CCR6: variants seen among roughly 807,000 people sequenced by gnomAD.
CCR6 encodes C-C motif chemokine receptor 6.
Under a neutral mutation model 3.0 loss-of-function variants are expected in CCR6, and 2 were observed. That is an observed-to-expected ratio of 0.66 (90% CI 0.27 to 2.07). The LOEUF is 2.07. CCR6 is among the 30% of genes most tolerant of loss of function. The pLI is 0.14. For synonymous variants in CCR6, 193 were observed against 184.3 expected, an observed-to-expected ratio of 1.05 and a Z score of -0.38; for missense variants, 322 against 462.8, an observed-to-expected ratio of 0.70 and a Z score of 2.79.
intron 1 of CCR6, among the ~76,000 whole-genome samples, chr6:167,124,130 G>A (rs1333268708): frequency 6.6e-6 from 1 of 152,124 alleles, no homozygotes; most frequent in Non-Finnish European, 1.5e-5. Context: ...CATAGATATT[G>A]TAGAGATCAG....
In CCR6 at chr6:167,117,636, C is replaced by T. The variant is rs538444529; in HGVS notation, c.-98+5622C>T. Among the ~76,000 whole-genome samples, 296 of 151,666 alleles carry T rather than the reference C, an allele frequency of 2.0e-3. 1 individual carries two copies. The highest frequency in any genetic ancestry group is 6.8e-3 in the African/African-American group (282 of 41,330). ...TTCACCGTGTCAGCCAGGATGGTCT[C>T]GATCTCCTGACCTCGTGATCCGCCC... On this transcript the variant is annotated intron_variant, in intron 1 of 2. Transcript: ENST00000400926.
chr6:167,129,247 G>T (rs1361408896), intron 1 of CCR6, among the ~76,000 whole-genome samples: 1 of 152,160 alleles, frequency 6.6e-6, no homozygotes, highest in African/African-American at 2.4e-5. Context: ...ATAAGTTTCA[G>T]ATTTTATCGT....
chr6:167,122,066 C>T (rs928542453), upstream of CCR6, among the ~76,000 whole-genome samples: 25 of 151,946 alleles, frequency 1.6e-4, no homozygotes, highest in African/African-American at 5.3e-4. The surrounding 1 kb of genome is among the most constrained non-coding windows in gnomAD (Gnocchi z 4.2). Context: ...GGCGTGAGGA[C>T]GTGGAGCTCA....
upstream of CCR6, among the ~76,000 whole-genome samples, chr6:167,117,890 C>T (rs1191018153): frequency 7.9e-5 from 12 of 151,042 alleles, no homozygotes; most frequent in Non-Finnish European, 1.6e-4. Flanking sequence ...ACGCGCAGGT[C>T]GCTTTTCAGT....
chr6:167,132,515 C>CTGTGTGTGTGTCTGTGTGTGTGTG (rs1781784329), intron 1 of CCR6, among the ~76,000 whole-genome samples: 7 of 151,926 alleles, frequency 4.6e-5, no homozygotes, highest in African/African-American at 1.2e-4. Flanking sequence ...AGTGGGATCT[C>CTGTGTGTGTGTCTGTGTGTGTGTG]TGTGTGTGTG....
chr6:167,132,782 C>T (rs1418274855), intron 1 of CCR6, among the ~76,000 whole-genome samples: 1 of 152,220 alleles, frequency 6.6e-6, no homozygotes, highest in Non-Finnish European at 1.5e-5. Flanking sequence ...CTTAAGTGGT[C>T]CGTCTGCCTC....
intron 1 of CCR6, among the ~76,000 whole-genome samples, chr6:167,117,497 A>G (rs1412592777): frequency 6.9e-6 from 1 of 144,920 alleles, no homozygotes; most frequent in Non-Finnish European, 1.5e-5. Context: ...ACTCACTGCA[A>G]GCTCCGCCTC....
chr6:167,116,485 A>G (rs1007058960), intron 1 of CCR6, among the ~76,000 whole-genome samples: 1 of 152,186 alleles, frequency 6.6e-6, no homozygotes, highest in African/African-American at 2.4e-5. Flanking sequence ...CCTGCGGGGA[A>G]ATGTGTCCTC....
chr6:167,120,048 A>G (rs1286993334), upstream of CCR6, among the ~76,000 whole-genome samples: 6 of 152,186 alleles, frequency 3.9e-5, no homozygotes, highest in Non-Finnish European at 7.3e-5. Flanking sequence ...GCGCACAATG[A>G]GAGTAGAAAA....
At position 167,136,643 on chromosome 6, in the gene CCR6, G is replaced by A; in HGVS notation, c.413G>A (p.Cys138Tyr). 6.2e-7 allele frequency: 1 copy of A among 1,614,124 alleles called. No homozygotes were observed. The highest frequency in any genetic ancestry group is 1.1e-5 in the South Asian group (1 of 91,080). Residue 138 changes from cysteine (C) to tyrosine (Y), a missense_variant, in exon 3 of 3, where the codon TGC becomes TAC. By Grantham distance (194) the Cys-to-Tyr change is radical (BLOSUM62 -2). Coordinates refer to ENST00000341935, the MANE Select transcript of CCR6 (RefSeq NM_031409.4). The surrounding 1 kb of genome is among the most constrained non-coding windows in gnomAD (Gnocchi z 4.6). ...AACTGCGGGATGCTGCTCCTGACTT[G>A]CATTAGCATGGACCGGTACATCGCC... ...NFNCGMLLLT[C>Y]ISMDRYIAIV...
intron 1 of CCR6, among the ~76,000 whole-genome samples, chr6:167,130,971 G>A (rs1781747417): frequency 1.1e-5 from 1 of 93,226 alleles, no homozygotes; most frequent in African/African-American, 3.7e-5. Context: ...CCTCCCTCTG[G>A]GACCACCCTC....
At position 167,137,062 on chromosome 6, in the gene CCR6, G is replaced by C; in HGVS notation, c.832G>C (p.Ala278Pro). Residue 278 changes from alanine (A) to proline (P), a missense_variant, in exon 3 of 3, where the codon GCT becomes CCT. Transcript: ENST00000341935. The surrounding 1 kb of genome is among the most constrained non-coding windows in gnomAD (Gnocchi z 4.6). ...IPHNMVLLVTAANLGKMNRSC... is the reference protein window; with the variant it reads ...IPHNMVLLVTPANLGKMNRSC... The stretch of plus-strand genomic sequence containing the variant: ...TCATAACATGGTCCTGCTTGTGACG[G>C]CTGCAAATTTGGGTAAAATGAACCG... 1 of 1,614,152 alleles carries C rather than the reference G, an allele frequency of 6.2e-7. No homozygotes were observed. The highest frequency in any genetic ancestry group is 8.5e-7 in the Non-Finnish European group (1 of 1,180,040).
intron 1 of CCR6, among the ~76,000 whole-genome samples, chr6:167,133,932 G>GTGTATATATATATATATATATATATATA (rs1183741225): frequency 2.7e-5 from 3 of 110,338 alleles, no homozygotes; most frequent in South Asian, 2.9e-4. Context: ...ATATATGTGT[G>GTGTATATATATATATATATATATATATA]TATATATATA....
chr6:167,133,932 G>GTGTATATATATATATA (rs1183741225), intron 1 of CCR6, among the ~76,000 whole-genome samples: 1,997 of 110,066 alleles, frequency 0.018, 253 homozygotes, highest in Non-Finnish European at 0.022. Context: ...ATATATGTGT[G>GTGTATATATATATATA]TATATATATA....
chr6:167,117,757 T>A (rs1020529945), intron 1 of CCR6, among the ~76,000 whole-genome samples: 26 of 152,128 alleles, frequency 1.7e-4, no homozygotes, highest in Non-Finnish European at 5.9e-5. Context: ...CTTAATGTTT[T>A]CCACCCCTGT....
intron 1 of CCR6, among the ~76,000 whole-genome samples, chr6:167,128,459 T>C (rs960996278): frequency 6.6e-6 from 1 of 152,268 alleles, no homozygotes; most frequent in African/African-American, 2.4e-5. Flanking sequence ...TGCGCCCACA[T>C]AGTACTGATT....
At chr6:167,132,264 C>T (rs1289152324) in intron 1 of CCR6, among the ~76,000 whole-genome samples, 1 of 152,094 alleles carries the variant, frequency 6.6e-6, no homozygotes, top group East Asian at 1.9e-4. Context: ...CAGTTTGGGA[C>T]GGTTAAGAAT....
At chr6:167,122,027 G>T (rs1781596591), upstream of CCR6, among the ~76,000 whole-genome samples, 1 of 152,200 alleles carries the variant, frequency 6.6e-6, no homozygotes, top group East Asian at 1.9e-4. This position sits in a 1 kb window ranked among gnomAD's most constrained non-coding sequence, Gnocchi z 4.2. Context: ...GATGATAAGG[G>T]GTGCGCTCCA....
intron 1 of CCR6, chr6:167,126,082 C>G (rs1354682196): frequency 6.6e-6 from 1 of 152,106 alleles, no homozygotes; most frequent in Admixed American, 6.5e-5. Flanking sequence ...CCCAGCTACT[C>G]TAGAGGCTGA....
Sources: allele counts gnomAD v4.1 joint callset (sites outside exome capture counted in the v4.1 genomes callset), GRCh38; gene constraint gnomAD v4.1.1; non-coding constraint Gnocchi (gnomAD v3.1); transcripts MANE v1.5; gene names NCBI Gene and HGNC (gene_info 2026-07-23, HGNC 2026-07-21).